The following ADD3 variants were observed in gnomAD, a reference collection of about 807,000 sequenced individuals.
ADD3 encodes adducin 3.
In ADD3, 25 loss-of-function variants were observed where a neutral mutation model predicts 80.2. The ratio of observed to expected loss-of-function variants is 0.31; its 90% CI spans 0.23 to 0.44. The LOEUF (loss-of-function observed/expected upper bound fraction) is 0.44, where lower values mean the gene tolerates loss of function less well. Ranked by LOEUF, ADD3 falls within the 20% of genes least tolerant of loss-of-function variation. The pLI, the probability that ADD3 is intolerant of heterozygous loss-of-function variation, is 1.00. For synonymous variants in ADD3, 284 were observed against 289.6 expected (o/e 0.98, Z 0.20); for missense variants, 829 against 847.5 (o/e 0.98, Z 0.27).
chr10:110,088,288 G>C (rs1442944621), intron 1 of ADD3, among the ~76,000 whole-genome samples: 1 of 152,172 alleles, frequency 6.6e-6, no homozygotes, highest in Non-Finnish European at 1.5e-5. Flanking sequence ...AGATCTAAAA[G>C]ATGATACATT....
intron 1 of ADD3, among the ~76,000 whole-genome samples, chr10:110,083,154 T>A (rs1032603156): frequency 2.0e-5 from 3 of 152,016 alleles, no homozygotes; most frequent in East Asian, 1.9e-4. Context: ...TATGACAAAG[T>A]GATTTGAACA....
At chr10:110,051,715 G>A (rs1857533325) in intron 1 of ADD3, among the ~76,000 whole-genome samples, 2 of 152,232 alleles carry the variant, frequency 1.3e-5, no homozygotes, top group Admixed American at 6.5e-5. Flanking sequence ...ATCACAGGGT[G>A]GCAAAAGTAG....
At chr10:110,132,534 A>T in intron 14 of ADD3, 134 bp downstream of exon 14, 1 of 595,206 alleles carries the variant, frequency 1.7e-6, no homozygotes, top group Non-Finnish European at 3.0e-6. Context: ...ATCTCCCAAT[A>T]ATTACATATT....
In ADD3 at chr10:110,052,466, G is replaced by A. The variant is rs1182544809; in HGVS notation, c.-30+44167G>A. 7.2e-5 allele frequency among the ~76,000 whole-genome samples: 11 copies of A among 152,280 alleles called. No homozygotes were observed. In the East Asian group the frequency reaches 1.4e-3, roughly 19 times the overall value. On this transcript the variant is annotated intron_variant, in intron 1 of 14. Coordinates refer to ENST00000356080, the MANE Select transcript of ADD3 (RefSeq NM_016824.5). ...GGGCCCGAACCCTGTTGTGAACTGCGCATTCAAGGAATTTAGGTTGCACAC... is the reference window on the plus strand; with the variant it reads ...GGGCCCGAACCCTGTTGTGAACTGCACATTCAAGGAATTTAGGTTGCACAC...
intron 1 of ADD3, among the ~76,000 whole-genome samples, chr10:110,026,470 G>A (rs532676263): frequency 1.8e-4 from 28 of 151,970 alleles, no homozygotes; most frequent in African/African-American, 6.5e-4. Flanking sequence ...AGTAGAGATG[G>A]GGTGTCTCCA....
At chr10:110,110,674 T>C (rs773034270) in intron 2 of ADD3, among the ~76,000 whole-genome samples, 1 of 151,954 alleles carries the variant, frequency 6.6e-6, no homozygotes, top group East Asian at 1.9e-4. Flanking sequence ...TTTCCCCTTA[T>C]CACCATGAGC....
intron 1 of ADD3, among the ~76,000 whole-genome samples, chr10:110,050,352 G>C (rs1183374312): frequency 1.3e-5 from 2 of 152,038 alleles, no homozygotes; most frequent in Non-Finnish European, 2.9e-5. Flanking sequence ...TTATGGTAGT[G>C]AGTAAGTCTG....
At chr10:110,036,044 G>C (rs982582147) in intron 1 of ADD3, among the ~76,000 whole-genome samples, 7 of 151,906 alleles carry the variant, frequency 4.6e-5, no homozygotes, top group Non-Finnish European at 1.5e-5. Flanking sequence ...CCAGCTACTC[G>C]GGAGGCTGAG....
intron 1 of ADD3, among the ~76,000 whole-genome samples, chr10:110,098,278 C>G (rs988874346): frequency 1.8e-4 from 28 of 152,186 alleles, no homozygotes; most frequent in African/African-American, 6.7e-4. Context: ...AGTTGGATGG[C>G]TAAGGGACTG....
chr10:110,134,588 A>G lies in ADD3; in HGVS notation c.*970A>G, dbSNP rs878959340. The G allele has an allele frequency of 6.6e-6, 1 of 152,604 alleles. No individual in the cohort carries two copies. The highest frequency in any genetic ancestry group is 2.1e-4 in the South Asian group (1 of 4,832). The allele number at this position is 152,604 out of a possible 1,614,324, so 9.5% of individuals were successfully genotyped here. On this transcript the variant is annotated 3_prime_UTR_variant, in exon 15 of 15. Transcript: ENST00000356080. ...TTGCTAATGAGTAAAGAAAAGTCTC[A>G]TAAGGTAGCCAAATGAAAAAGAATG...
chr10:110,058,133 A>G (rs1457778790), intron 1 of ADD3, among the ~76,000 whole-genome samples: 1 of 147,162 alleles, frequency 6.8e-6, no homozygotes, highest in African/African-American at 2.5e-5. Context: ...GGCTTGCCAT[A>G]TGCATGCTAT....
chr10:110,065,322 T>TG (rs1843765428), intron 1 of ADD3, among the ~76,000 whole-genome samples: 1 of 152,010 alleles, frequency 6.6e-6, no homozygotes, highest in Admixed American at 6.6e-5. Flanking sequence ...TGAAGTCTGT[T>TG]GCAGGTTTAA....
chr10:110,008,867 C>T (rs1262099415), intron 1 of ADD3, among the ~76,000 whole-genome samples: 4 of 152,154 alleles, frequency 2.6e-5, no homozygotes, highest in African/African-American at 4.8e-5. Flanking sequence ...CACACACAAA[C>T]ACACCGCCCC....
intron 1 of ADD3, among the ~76,000 whole-genome samples, chr10:110,024,490 A>G (rs903423219): frequency 6.6e-6 from 1 of 152,226 alleles, no homozygotes. Context: ...GCTTTGTTGC[A>G]TGCACAGTTG....
At chr10:110,048,476 T>C (rs1361498507) in intron 1 of ADD3, among the ~76,000 whole-genome samples, 1 of 152,200 alleles carries the variant, frequency 6.6e-6, no homozygotes, top group East Asian at 1.9e-4. Flanking sequence ...TGGAACTTCC[T>C]AGAGACTTGT....
At chr10:110,034,059 T>C (rs1855359169) in intron 1 of ADD3, among the ~76,000 whole-genome samples, 1 of 152,218 alleles carries the variant, frequency 6.6e-6, no homozygotes, top group Non-Finnish European at 1.5e-5. Context: ...AGTATGTCAC[T>C]AGACCACAGA....
In ADD3 at chr10:110,088,762, G is replaced by A. The variant is rs75671136; in HGVS notation, c.-29-11863G>A. Reference sequence around the variant, plus strand: ...CTGTGGTTCTTTAATATTTTTTTGTGTATTTTCCTCCAATTTTTAAAATAA... The same window carrying A: ...CTGTGGTTCTTTAATATTTTTTTGTATATTTTCCTCCAATTTTTAAAATAA... On this transcript the variant is annotated intron_variant, in intron 1 of 14. Coordinates refer to ENST00000356080, the MANE Select transcript of ADD3 (RefSeq NM_016824.5). Among the ~76,000 whole-genome samples the A allele has an allele frequency of 5.5e-4, 83 of 152,142 alleles. No homozygotes were observed. In the East Asian group the frequency reaches 0.015, roughly 28 times the overall value.
chr10:110,056,373 A>G (rs1858194270), intron 1 of ADD3, among the ~76,000 whole-genome samples: 1 of 152,384 alleles, frequency 6.6e-6, no homozygotes, highest in Middle Eastern at 3.4e-3. Context: ...AGGCTTAAAC[A>G]TAATATTTAC....
In ADD3 at chr10:110,043,310, G is replaced by A. The variant is rs79243444; in HGVS notation, c.-30+35011G>A. On this transcript the variant is annotated intron_variant, in intron 1 of 14. Transcript: ENST00000356080. ...AAATAAAGAAATTGACCTCCTCCCA[G>A]GTTTCTTTTTTTTAAACAAATCCTA... Among the ~76,000 whole-genome samples, 1,163 of 152,032 alleles carry A rather than the reference G, an allele frequency of 7.6e-3. 16 individuals carry two copies. The highest frequency in any genetic ancestry group is 0.027 in the African/African-American group (1,110 of 41,488).
Sources: allele counts gnomAD v4.1 joint callset (sites outside exome capture counted in the v4.1 genomes callset), GRCh38; gene constraint gnomAD v4.1.1; transcripts MANE v1.5; gene names NCBI Gene and HGNC (gene_info 2026-07-23, HGNC 2026-07-21).